Variants in SHANK2 observed in about 807,000 individuals in gnomAD.
The protein encoded by SHANK2 is SH3 and multiple ankyrin repeat domains protein 2.
SHANK2 carries 43 observed loss-of-function variants against 133.7 expected under a neutral mutation model. That is an observed-to-expected ratio of 0.32 (90% CI 0.25 to 0.41). The LOEUF (loss-of-function observed/expected upper bound fraction) is 0.41, where lower values mean the gene tolerates loss of function less well. SHANK2 is among the 10% of genes least tolerant of loss of function. The probability of loss-of-function intolerance (pLI) is 1.00; values close to 1 mark genes in which losing one functional copy is unlikely to be tolerated. For synonymous variants in SHANK2, 1,017 were observed against 952.8 expected (o/e 1.07, Z -1.24); for missense variants, 1,994 against 2,235.8 (o/e 0.89, Z 2.18).
intron 17 of SHANK2, among the ~76,000 whole-genome samples, chr11:70,615,391 C>T (rs1327699430): frequency 4.6e-5 from 7 of 152,216 alleles, no homozygotes; most frequent in Admixed American, 1.3e-4. Context: ...TGCAACACCC[C>T]GAGAGAGGGA....
intron 6 of SHANK2, among the ~76,000 whole-genome samples, chr11:71,103,961 T>C (rs1376047037): frequency 1.3e-5 from 2 of 150,720 alleles, no homozygotes; most frequent in Non-Finnish European, 3.0e-5. Flanking sequence ...TGCCATGCAA[T>C]GCACCTGCTC....
chr11:71,120,133 C>T lies in SHANK2; in HGVS notation c.208-1101G>A, dbSNP rs181095744. On this transcript the variant is annotated intron_variant, in intron 3 of 25. Coordinates refer to ENST00000601538, the MANE Select transcript of SHANK2 (RefSeq NM_012309.5). Reference sequence around the variant, plus strand: ...GGCCTGCAAACCAATCACAACACTTCAAACATATAATAGCACCTCTGAGGA... The same window carrying T: ...GGCCTGCAAACCAATCACAACACTTTAAACATATAATAGCACCTCTGAGGA... 2.4e-3 allele frequency among the ~76,000 whole-genome samples: 367 copies of T among 152,274 alleles called. 1 individual carries two copies. In the Middle Eastern group the frequency reaches 0.037, roughly 16 times the overall value.
At position 70,702,385 on chromosome 11, in the gene SHANK2, CCAT is replaced by C. The variant is rs1354957446; in HGVS notation, c.1778-3625_1778-3623del. On this transcript the variant is annotated intron_variant, in intron 14 of 25. Transcript: ENST00000601538. The stretch of plus-strand genomic sequence containing the variant: ...ACCATCATCACCACCAACACCACCA[CCAT>C]CATCACCACCATCCTCTTCACCATC... Among the ~76,000 whole-genome samples, 12 of 151,042 alleles carry C rather than the reference CCAT, an allele frequency of 7.9e-5. No individual in the cohort carries two copies. In the South Asian group the frequency reaches 1.1e-3, roughly 13 times the overall value.
chr11:70,935,669 G>A (rs1950561244), intron 10 of SHANK2, among the ~76,000 whole-genome samples: 1 of 152,092 alleles, frequency 6.6e-6, no homozygotes. Flanking sequence ...CATCTACCAT[G>A]TGCCGGGCCC....
intron 14 of SHANK2, among the ~76,000 whole-genome samples, chr11:70,754,644 G>A (rs896549367): frequency 3.3e-5 from 5 of 152,206 alleles, no homozygotes; most frequent in Admixed American, 6.5e-5. Context: ...GAGTAGCCTG[G>A]CAAAGGCAGC....
At chr11:71,204,153 C>T (rs1222310626) in intron 2 of SHANK2, among the ~76,000 whole-genome samples, 1 of 152,136 alleles carries the variant, frequency 6.6e-6, no homozygotes, top group Non-Finnish European at 1.5e-5. Context: ...AGGAAAACTG[C>T]AGGCCAGGGG....
chr11:70,488,094 C>T (rs138154166), intron 24 of SHANK2, among the ~76,000 whole-genome samples: 7 of 152,238 alleles, frequency 4.6e-5, no homozygotes, highest in African/African-American at 7.2e-5. Flanking sequence ...TGTGTGTGTG[C>T]GCTTACGTGT....
At chr11:70,644,121 A>G (rs2061227208) in intron 17 of SHANK2, among the ~76,000 whole-genome samples, 2 of 152,362 alleles carry the variant, frequency 1.3e-5, no homozygotes, top group South Asian at 2.1e-4. Flanking sequence ...TTAAACAACA[A>G]AAAGTGAAGA....
chr11:71,177,429 C>T (rs7479207), intron 2 of SHANK2, among the ~76,000 whole-genome samples: 1 of 152,234 alleles, frequency 6.6e-6, no homozygotes, highest in South Asian at 2.1e-4. Flanking sequence ...AGTTCTTATG[C>T]TTACCTGAAC....
At chr11:70,521,409 T>A (rs111911238) in intron 17 of SHANK2, among the ~76,000 whole-genome samples, 30 of 152,376 alleles carry the variant, frequency 2.0e-4, no homozygotes, top group African/African-American at 7.0e-4. Flanking sequence ...TTAGCAGTTA[T>A]GTTCATTTCT....
intron 15 of SHANK2, among the ~76,000 whole-genome samples, chr11:70,683,716 G>A (rs1945081819): frequency 6.6e-6 from 1 of 152,066 alleles, no homozygotes; most frequent in Non-Finnish European, 1.5e-5. Flanking sequence ...CCTTGTCTTG[G>A]GGTCAATCTC....
At chr11:70,953,662 G>GCA (rs1268820499) in intron 10 of SHANK2, among the ~76,000 whole-genome samples, 1 of 152,174 alleles carries the variant, frequency 6.6e-6, no homozygotes, top group Non-Finnish European at 1.5e-5. Flanking sequence ...TGCCGTGCTA[G>GCA]CAGCCAACTG....
chr11:70,898,859 T>G (rs782177834), intron 10 of SHANK2, among the ~76,000 whole-genome samples: 44 of 152,112 alleles, frequency 2.9e-4, no homozygotes, highest in Non-Finnish European at 5.4e-4. Context: ...CACTTGATAA[T>G]GTATGGGATT....
intron 1 of SHANK2, among the ~76,000 whole-genome samples, chr11:71,239,255 C>T (rs79410357): frequency 0.018 from 2,677 of 152,292 alleles, 96 homozygotes; most frequent in African/African-American, 0.062. Context: ...GTTTCCCCTT[C>T]GGTGAAATGG....
intron 3 of SHANK2, among the ~76,000 whole-genome samples, chr11:71,146,664 G>T (rs1427722999): frequency 6.6e-6 from 1 of 152,222 alleles, no homozygotes; most frequent in Non-Finnish European, 1.5e-5. Context: ...CCCTGGAAGT[G>T]GGGGAGCATG....
intron 15 of SHANK2, among the ~76,000 whole-genome samples, chr11:70,692,654 G>T (rs1945315021): frequency 2.0e-5 from 3 of 152,196 alleles, no homozygotes; most frequent in Non-Finnish European, 4.4e-5. Context: ...GGACCAGAAG[G>T]CAAAGATGGG....
intron 22 of SHANK2, among the ~76,000 whole-genome samples, chr11:70,491,770 C>A (rs2058889860): frequency 6.6e-6 from 1 of 152,216 alleles, no homozygotes; most frequent in Non-Finnish European, 1.5e-5. Context: ...CTGCCCCAGG[C>A]CCTTTTCCAG....
intron 17 of SHANK2, among the ~76,000 whole-genome samples, chr11:70,526,233 A>G (rs1455722170): frequency 6.6e-6 from 1 of 152,196 alleles, no homozygotes; most frequent in African/African-American, 2.4e-5. Context: ...CCTTGGGATA[A>G]GCAACATTAA....
intron 11 of SHANK2, chr11:70,862,742 A>G (rs1335961178): frequency 6.2e-5 from 7 of 113,606 alleles, no homozygotes; most frequent in Non-Finnish European, 6.3e-5. Context: ...AGGGAAATCT[A>G]TGTGCTTGGG....
Sources: allele counts gnomAD v4.1 joint callset (sites outside exome capture counted in the v4.1 genomes callset), GRCh38; gene constraint gnomAD v4.1.1; transcripts MANE v1.5; gene names NCBI Gene and HGNC (gene_info 2026-07-23, HGNC 2026-07-21).